CDS1: variants seen among roughly 807,000 people sequenced by gnomAD.
CDS1 encodes the protein CDP-diacylglycerol synthase 1.
CDS1 carries 41 observed loss-of-function variants against 62.1 expected under a neutral mutation model. The observed-to-expected ratio is 0.66, with a 90% CI of 0.51 to 0.86. The LOEUF (loss-of-function observed/expected upper bound fraction) is 0.86, where lower values mean the gene tolerates loss of function less well. Ranked by LOEUF, CDS1 falls within the 40% of genes least tolerant of loss-of-function variation. The pLI, the probability that CDS1 is intolerant of heterozygous loss-of-function variation, is 0.00. For missense variants in CDS1, 470 were observed against 550.1 expected, an observed-to-expected ratio of 0.85 and a Z score of 1.46; for synonymous variants, 185 against 192.6, an observed-to-expected ratio of 0.96 and a Z score of 0.32.
chr4:84,622,154 A>T (rs936163774), intron 5 of CDS1, among the ~76,000 whole-genome samples: 3 of 152,166 alleles, frequency 2.0e-5, no homozygotes, highest in Non-Finnish European at 4.4e-5. Flanking sequence ...AGAATGTAGT[A>T]CCTTCTCAGT....
intron 1 of CDS1, among the ~76,000 whole-genome samples, chr4:84,591,297 C>CA (rs1560463147): frequency 1.3e-5 from 2 of 152,028 alleles, no homozygotes; most frequent in Non-Finnish European, 2.9e-5. Flanking sequence ...ATGTCTTTTC[C>CA]AAAAATACAG....
At chr4:84,595,803 A>G (rs1722731189) in intron 1 of CDS1, among the ~76,000 whole-genome samples, 3 of 152,332 alleles carry the variant, frequency 2.0e-5, no homozygotes. Flanking sequence ...CTTTTGTGTA[A>G]TTCCATGGAG....
At chr4:84,642,040 T>C (rs1223193254) in intron 10 of CDS1, among the ~76,000 whole-genome samples, 1 of 152,198 alleles carries the variant, frequency 6.6e-6, no homozygotes, top group East Asian at 1.9e-4. Flanking sequence ...AAAAAATGGA[T>C]GTCTCAGCCG....
At chr4:84,591,083 A>G (rs1324952771) in intron 1 of CDS1, among the ~76,000 whole-genome samples, 1 of 152,224 alleles carries the variant, frequency 6.6e-6, no homozygotes, top group African/African-American at 2.4e-5. Context: ...TTGTCAAAAT[A>G]TACTGGGGAA....
At chr4:84,610,252 G>A (rs1003380877) in intron 3 of CDS1, among the ~76,000 whole-genome samples, 1 of 152,142 alleles carries the variant, frequency 6.6e-6, no homozygotes, top group African/African-American at 2.4e-5. Context: ...AGACAGTGCC[G>A]AAGCCGAGTC....
At chr4:84,642,505 T>C (rs149640256) in intron 10 of CDS1, among the ~76,000 whole-genome samples, 16 of 152,310 alleles carry the variant, frequency 1.1e-4, no homozygotes, top group African/African-American at 3.6e-4. Context: ...CCCAAATCTT[T>C]AGTGATTGTC....
At chr4:84,643,445 C>T (rs1031605875) in intron 11 of CDS1, among the ~76,000 whole-genome samples, 10 of 152,116 alleles carry the variant, frequency 6.6e-5, no homozygotes, top group Non-Finnish European at 1.5e-4. Context: ...CCCAAGAATC[C>T]AGCCGTGAAT....
chr4:84,597,491 T>C (rs1722786126), intron 1 of CDS1, among the ~76,000 whole-genome samples: 1 of 151,810 alleles, frequency 6.6e-6, no homozygotes, highest in African/African-American at 2.4e-5. Flanking sequence ...TAACAAAAAA[T>C]TAGCCAGGTG....
rs1353380615 is a variant in CDS1 at position 84,583,131 on chromosome 4, T to G, written c.-271T>G. On this transcript the variant is annotated 5_prime_UTR_variant, in exon 1 of 13. Coordinates refer to ENST00000295887, the MANE Select transcript of CDS1 (RefSeq NM_001263.4). ...GCAACCGGAGGCCGCGTCTCCGCCT[T>G]CTCTGCTCGCGCCTGGCGCCCGGAG... The G allele has an allele frequency of 5.1e-6, 2 of 396,030 alleles. No homozygotes were observed. The highest frequency in any genetic ancestry group is 9.1e-6 in the Non-Finnish European group (2 of 220,638). The allele number at this position is 396,030 out of a possible 1,614,324, so 24.5% of individuals were successfully genotyped here.
At position 84,583,382 on chromosome 4, in the gene CDS1, C is replaced by T. The variant is rs372624676; in HGVS notation, c.-20C>T. 5 of 1,569,972 alleles carry T rather than the reference C, an allele frequency of 3.2e-6. No individual in the cohort carries two copies. Among genetic ancestry groups the T allele is most frequent in the African/African-American group, 2.7e-5 (2 of 73,044 alleles). On this transcript the variant is annotated 5_prime_UTR_variant, in exon 1 of 13. It adds an upstream start codon to the 5' untranslated region. Coordinates refer to ENST00000295887, the MANE Select transcript of CDS1 (RefSeq NM_001263.4). ...TTCGGGGTGCTTGAGGAGGCCGCCA[C>T]GGCAGCGCGGGAGCGGAAGATGTTG...
At chr4:84,645,663 C>T (rs1028683246) in intron 12 of CDS1, among the ~76,000 whole-genome samples, 3 of 152,084 alleles carry the variant, frequency 2.0e-5, no homozygotes, top group Admixed American at 6.6e-5. Flanking sequence ...AGGGAGATAA[C>T]GAAATGCATC....
At chr4:84,613,330 C>T (rs911383188) in intron 3 of CDS1, among the ~76,000 whole-genome samples, 4 of 152,034 alleles carry the variant, frequency 2.6e-5, no homozygotes, top group African/African-American at 4.8e-5. Context: ...TCTAGGAGGT[C>T]GGGCACAGTG....
At chr4:84,588,257 T>C (rs1722476983) in intron 1 of CDS1, among the ~76,000 whole-genome samples, 1 of 152,188 alleles carries the variant, frequency 6.6e-6, no homozygotes, top group Admixed American at 6.5e-5. Flanking sequence ...TTTTGGTTTG[T>C]GAAGTTGAGG....
rs550438109 is a variant in CDS1, at chr4:84,613,582, C to T, written c.343-3982C>T. Among the ~76,000 whole-genome samples the T allele has an allele frequency of 3.3e-5, 5 of 152,256 alleles. No homozygotes were observed. The South Asian group carries it at 8.3e-4, about 25-fold the overall frequency. On this transcript the variant is annotated intron_variant, in intron 3 of 12. Coordinates refer to ENST00000295887, the MANE Select transcript of CDS1 (RefSeq NM_001263.4). ...CCGAGATCGCGCCACTGCACTCCAGCCTGGGCGACAGAGTGAGACTTTGTC... is the reference window on the plus strand; with the variant it reads ...CCGAGATCGCGCCACTGCACTCCAGTCTGGGCGACAGAGTGAGACTTTGTC...
At chr4:84,614,996 G>C (rs1336765171) in intron 3 of CDS1, among the ~76,000 whole-genome samples, 1 of 152,260 alleles carries the variant, frequency 6.6e-6, no homozygotes, top group East Asian at 1.9e-4. Context: ...CTGGTCTGAC[G>C]GTATGGCCAG....
chr4:84,637,321 A>C (rs1389255243), intron 8 of CDS1, among the ~76,000 whole-genome samples: 1 of 152,186 alleles, frequency 6.6e-6, no homozygotes, highest in African/African-American at 2.4e-5. Context: ...GCTATAAAGA[A>C]ATGCCAGAGC....
At position 84,650,039 on chromosome 4, in the gene CDS1, TCA is replaced by T. The variant is rs1451341907; in HGVS notation, c.*1354_*1355del. The T allele has an allele frequency of 6.6e-6, 1 of 152,204 alleles. No individual in the cohort carries two copies. Among genetic ancestry groups the T allele is most frequent in the Non-Finnish European group, 1.5e-5 (1 of 68,040 alleles). 9.4% of individuals were successfully genotyped at this position (152,204 alleles called of 1,614,324 possible). On this transcript the variant is annotated 3_prime_UTR_variant, in exon 13 of 13. Coordinates refer to ENST00000295887, the MANE Select transcript of CDS1 (RefSeq NM_001263.4). ...TTGCCCAGTGTTCCTAGTTAAATGTTCAGAGGGGAGAAATAGATATATTTTAA... is the reference window on the plus strand; with the variant it reads ...TTGCCCAGTGTTCCTAGTTAAATGTTGAGGGGAGAAATAGATATATTTTAA...
intron 4 of CDS1, among the ~76,000 whole-genome samples, chr4:84,618,673 T>C (rs1023130263): frequency 6.6e-6 from 1 of 152,054 alleles, no homozygotes. Flanking sequence ...TAGCGGACAG[T>C]GGGTAAATAG....
intron 2 of CDS1, among the ~76,000 whole-genome samples, chr4:84,608,454 G>A (rs932060956): frequency 6.6e-6 from 1 of 152,148 alleles, no homozygotes; most frequent in African/African-American, 2.4e-5. Flanking sequence ...GATTACAGGC[G>A]TGAGCCACCA....
Sources: gnomAD v4.1 joint callset for allele counts (sites outside exome capture counted in the v4.1 genomes callset) on GRCh38, gnomAD v4.1.1 for gene constraint, MANE v1.5 for transcripts, NCBI Gene and HGNC (gene_info 2026-07-23, HGNC 2026-07-21) for gene names.